Variants in ADGRE3 observed in about 807,000 individuals in gnomAD.
ADGRE3 encodes EGF-like module receptor 3.
A neutral mutation model predicts 80.1 loss-of-function variants in ADGRE3; 88 were observed. The ratio of observed to expected loss-of-function variants is 1.10; its 90% CI spans 0.93 to 1.31. The LOEUF is 1.31. Among genes scored for constraint, ADGRE3 ranks in the 40% most tolerant of loss-of-function variants. The pLI, the probability that ADGRE3 is intolerant of heterozygous loss-of-function variation, is 0.00. For missense variants in ADGRE3, 715 were observed against 776.5 expected (o/e 0.92, Z 0.94); for synonymous variants, 281 against 294.8 (o/e 0.95, Z 0.48).
intron 6 of ADGRE3, 27 bp from the exon 7 acceptor site, chr19:14,651,231 T>C: frequency 6.2e-7 from 1 of 1,613,688 alleles, no homozygotes; most frequent in Non-Finnish European, 8.5e-7. Context: ...TGGGCAGGCT[T>C]AGTGATATTG....
At chr19:14,648,428 G>C (rs1343733266) in intron 7 of ADGRE3, among the ~76,000 whole-genome samples, 1 of 152,108 alleles carries the variant, frequency 6.6e-6, no homozygotes, top group Non-Finnish European at 1.5e-5. Flanking sequence ...AGACGTCCTA[G>C]CTCCCTCTTC....
intron 7 of ADGRE3, 81 bp from the exon 8 acceptor site, chr19:14,647,446 C>G: frequency 8.7e-7 from 1 of 1,144,968 alleles, no homozygotes; most frequent in Non-Finnish European, 1.2e-6. Flanking sequence ...GAGTCTCGCT[C>G]TTGTCGCCCA....
intron 11 of ADGRE3, among the ~76,000 whole-genome samples, chr19:14,633,839 C>T (rs970598445): frequency 7.6e-5 from 10 of 131,004 alleles, no homozygotes; most frequent in Admixed American, 2.6e-4. Flanking sequence ...TGCAGTGGTG[C>T]GATCTCAGCT....
At chr19:14,618,140 A>G (rs149985210), downstream of ADGRE3, among the ~76,000 whole-genome samples, 643 of 152,278 alleles carry the variant, frequency 4.2e-3, 4 homozygotes, top group African/African-American at 0.014. Context: ...AAATATATAT[A>G]TTTATCATGT....
intron 9 of ADGRE3, among the ~76,000 whole-genome samples, chr19:14,642,453 A>G (rs975001449): frequency 8.5e-5 from 13 of 152,240 alleles, no homozygotes; most frequent in Non-Finnish European, 1.8e-4. Flanking sequence ...TTTTAAGTTC[A>G]GAGATACATG....
At chr19:14,655,338 C>T (rs1971723456) in intron 5 of ADGRE3, among the ~76,000 whole-genome samples, 173 bp from the exon 6 acceptor site, 1 of 152,158 alleles carries the variant, frequency 6.6e-6, no homozygotes, top group East Asian at 1.9e-4. Context: ...CACTCAATCA[C>T]TCTGTGCCCC....
intron 15 of ADGRE3, among the ~76,000 whole-genome samples, chr19:14,620,548 T>TATTTTATATA: frequency 4.0e-5 from 1 of 24,976 alleles, no homozygotes; most frequent in Non-Finnish European, 6.2e-5. Flanking sequence ...TATATATATA[T>TATTTTATATA]TATATATATA....
downstream of ADGRE3, among the ~76,000 whole-genome samples, chr19:14,614,216 T>C (rs1440526670): frequency 6.6e-6 from 1 of 152,184 alleles, no homozygotes; most frequent in East Asian, 1.9e-4. Context: ...CCCAGGGGAC[T>C]GTTATGTCAA....
intron 14 of ADGRE3, among the ~76,000 whole-genome samples, chr19:14,625,928 G>C (rs12974715): frequency 6.6e-6 from 1 of 151,828 alleles, no homozygotes; most frequent in Non-Finnish European, 1.5e-5. Flanking sequence ...TCCAGGGCCT[G>C]GGGGGAAGGA....
At chr19:14,607,549 TATTA>T in the ADGRE3 span, among the ~76,000 whole-genome samples, 1 of 127,210 alleles carries the variant, frequency 7.9e-6, no homozygotes, top group East Asian at 2.2e-4. Context: ...TATTTTATTT[TATTA>T]TTTATTTATT....
rs527573798 is a variant in ADGRE3 at position 14,656,380 on chromosome 19, A to G, written c.394-1215T>C. On this transcript the variant is annotated intron_variant, in intron 5 of 15. Coordinates refer to ENST00000253673, the MANE Select transcript of ADGRE3 (RefSeq NM_032571.5). ...AAAAAAAAAAAAAAAGAAAAGAAAA[A>G]AAAAAAAGAAAGTAGAACAGCTCTC... 3.9e-3 allele frequency among the ~76,000 whole-genome samples: 588 copies of G among 151,242 alleles called. 11 individuals carry two copies. Among genetic ancestry groups the G allele is most frequent in the African/African-American group, 0.014 (567 of 41,216 alleles).
intron 5 of ADGRE3, among the ~76,000 whole-genome samples, chr19:14,655,665 T>C (rs1971734767): frequency 6.6e-6 from 1 of 152,058 alleles, no homozygotes; most frequent in Non-Finnish European, 1.5e-5. Context: ...TCTTGCTATG[T>C]TGCCCAGGCT....
chr19:14,652,621 C>T (rs909117327), intron 6 of ADGRE3, among the ~76,000 whole-genome samples: 4 of 151,240 alleles, frequency 2.6e-5, no homozygotes, highest in African/African-American at 9.7e-5. Flanking sequence ...TCTACTAATA[C>T]ACAAAAATTA....
chr19:14,658,630 G>C, intron 4 of ADGRE3, 80 bp from the exon 5 acceptor site: 1 of 959,862 alleles, frequency 1.0e-6, no homozygotes, highest in Non-Finnish European at 1.5e-6. Context: ...GGTAAGTAAT[G>C]GGGTGAGCAA....
the ADGRE3 span, among the ~76,000 whole-genome samples, chr19:14,607,423 T>TA: frequency 6.6e-6 from 1 of 151,712 alleles, no homozygotes; most frequent in South Asian, 2.1e-4. Flanking sequence ...CAGGATGGTC[T>TA]TGATCTCCTG....
At chr19:14,600,587 C>CT in the ADGRE3 span, among the ~76,000 whole-genome samples, 8,414 of 145,302 alleles carry the variant, frequency 0.058, 739 homozygotes, top group African/African-American at 0.19. Flanking sequence ...CTTTTCTTTT[C>CT]TTTTTTTTTT....
At chr19:14,630,358 A>G (rs1970849086) in intron 13 of ADGRE3, 151 bp from the exon 14 acceptor site, 1 of 474,340 alleles carries the variant, frequency 2.1e-6, no homozygotes, top group Admixed American at 3.8e-5. Flanking sequence ...ATCTTGTGAA[A>G]GCTGCTTTAC....
chr19:14,650,642 TCTCTCTCTCTCTCTCTCTCTC>T (rs1971575525), intron 7 of ADGRE3, among the ~76,000 whole-genome samples: 7 of 87,310 alleles, frequency 8.0e-5, no homozygotes, highest in South Asian at 4.8e-4. Flanking sequence ...TCTCTCTCTC[TCTCTCTCTCTCTCTCTCTCTC>T]TCTCTCTCTC....
At chr19:14,633,084 A>T in intron 12 of ADGRE3, 72 bp from the exon 13 acceptor site, 2 of 1,360,300 alleles carry the variant, frequency 1.5e-6, no homozygotes, top group Non-Finnish European at 1.0e-6. Context: ...AATTGCACAC[A>T]GGAGTCCTAC....
Sources: gnomAD v4.1 joint callset for allele counts (sites outside exome capture counted in the v4.1 genomes callset) on GRCh38, gnomAD v4.1.1 for gene constraint, MANE v1.5 for transcripts, NCBI Gene and HGNC (gene_info 2026-07-23, HGNC 2026-07-21) for gene names.